The following ZBTB46 variants were observed in gnomAD, a reference collection of about 807,000 sequenced individuals.
ZBTB46 encodes zinc finger and BTB domain containing 46.
Under a neutral mutation model 44.1 loss-of-function variants are expected in ZBTB46, and 8 were observed. That is an observed-to-expected ratio of 0.18 (90% CI 0.11 to 0.33). The LOEUF (loss-of-function observed/expected upper bound fraction) is 0.33. Ranked by LOEUF, ZBTB46 falls within the 10% of genes least tolerant of loss-of-function variation. The pLI is 1.00. For missense variants in ZBTB46, 651 were observed against 847.7 expected (o/e 0.77, Z 2.88); for synonymous variants, 409 against 382.3 (o/e 1.07, Z -0.81).
At chr20:63,770,683 A>T (rs2092361539) in intron 3 of ZBTB46, among the ~76,000 whole-genome samples, 1 of 149,586 alleles carries the variant, frequency 6.7e-6, no homozygotes. Flanking sequence ...TTTGTGCAGA[A>T]TTGCCACGGC....
intron 3 of ZBTB46, among the ~76,000 whole-genome samples, chr20:63,760,290 C>A (rs1328257435): frequency 3.3e-5 from 5 of 152,312 alleles, no homozygotes; most frequent in Non-Finnish European, 5.9e-5. Context: ...ATTCAATTTT[C>A]TCAGCAGATC....
At chr20:63,761,124 G>C (rs924239319) in intron 3 of ZBTB46, among the ~76,000 whole-genome samples, 7 of 148,164 alleles carry the variant, frequency 4.7e-5, no homozygotes, top group African/African-American at 7.4e-5. Context: ...TCAGCCTCCC[G>C]AGTAGCTGGG....
intron 1 of ZBTB46, among the ~76,000 whole-genome samples, chr20:63,816,755 G>A (rs1054669435): frequency 2.0e-5 from 3 of 152,256 alleles, no homozygotes; most frequent in Admixed American, 2.0e-4. Context: ...TTAAGATGAG[G>A]TCATAGTGGA....
intron 1 of ZBTB46, among the ~76,000 whole-genome samples, chr20:63,823,282 C>A (rs2092802534): frequency 6.6e-6 from 1 of 152,036 alleles, no homozygotes; most frequent in Non-Finnish European, 1.5e-5. Context: ...TGCACTCGCG[C>A]TCAGGAGTTC....
chr20:63,748,521 G>T (rs1434867653), intron 4 of ZBTB46, among the ~76,000 whole-genome samples: 4 of 152,232 alleles, frequency 2.6e-5, no homozygotes, highest in Non-Finnish European at 5.9e-5. Flanking sequence ...GGAGGCCTTG[G>T]GGGGCTGGCC....
At chr20:63,815,331 G>A in intron 1 of ZBTB46, among the ~76,000 whole-genome samples, 1 of 150,580 alleles carries the variant, frequency 6.6e-6, no homozygotes, top group East Asian at 2.0e-4. Context: ...CACAGGTGCA[G>A]GTGGGCATAG....
At chr20:63,809,434 G>T (rs1218231564) in intron 1 of ZBTB46, among the ~76,000 whole-genome samples, 1 of 152,206 alleles carries the variant, frequency 6.6e-6, no homozygotes. Flanking sequence ...GGAGCTCACA[G>T]GAGCCCTGAG....
At chr20:63,807,351 TTTC>T (rs1335256998) in intron 1 of ZBTB46, among the ~76,000 whole-genome samples, 4 of 152,122 alleles carry the variant, frequency 2.6e-5, no homozygotes, top group Non-Finnish European at 5.9e-5. Flanking sequence ...AGATTTTCTG[TTTC>T]TTCTTGAGTC....
chr20:63,796,185 C>T (rs1036602769), intron 1 of ZBTB46, among the ~76,000 whole-genome samples: 10 of 152,354 alleles, frequency 6.6e-5, no homozygotes, highest in Admixed American at 3.9e-4. Flanking sequence ...AGGAGCTCTG[C>T]CCGGAAGGCT....
chr20:63,818,858 C>A (rs1368404390), intron 1 of ZBTB46, among the ~76,000 whole-genome samples: 5 of 109,752 alleles, frequency 4.6e-5, no homozygotes, highest in African/African-American at 1.2e-4. Context: ...GGTGAAAGAA[C>A]GAAACTCCAG....
chr20:63,813,633 A>C (rs2092730562), intron 1 of ZBTB46, among the ~76,000 whole-genome samples: 1 of 152,174 alleles, frequency 6.6e-6, no homozygotes, highest in African/African-American at 2.4e-5. Context: ...GGATGCACCC[A>C]GCCAGACCTT....
At chr20:63,821,449 T>C (rs1600724699) in intron 1 of ZBTB46, among the ~76,000 whole-genome samples, 1 of 148,122 alleles carries the variant, frequency 6.8e-6, no homozygotes, top group Admixed American at 6.7e-5. Flanking sequence ...GCTTTTTTTT[T>C]TTTTTCTGAG....
intron 1 of ZBTB46, among the ~76,000 whole-genome samples, chr20:63,820,968 C>G (rs1470734584): frequency 6.6e-6 from 1 of 151,760 alleles, no homozygotes; most frequent in Non-Finnish European, 1.5e-5. Context: ...TCTCAGCTCA[C>G]TGCAACCTCC....
At chr20:63,798,455 A>G (rs2092619604) in intron 1 of ZBTB46, among the ~76,000 whole-genome samples, 1 of 151,932 alleles carries the variant, frequency 6.6e-6, no homozygotes, top group Non-Finnish European at 1.5e-5. Flanking sequence ...TGGGCGGATT[A>G]CCTGAGGTCA....
intron 4 of ZBTB46, among the ~76,000 whole-genome samples, chr20:63,751,029 C>T (rs1601388730): frequency 6.6e-6 from 1 of 152,324 alleles, no homozygotes; most frequent in South Asian, 2.1e-4. Context: ...AAAGACGTTG[C>T]AATCCATGTT....
chr20:63,758,948 G>T (rs1182646376), intron 3 of ZBTB46, among the ~76,000 whole-genome samples: 1 of 152,158 alleles, frequency 6.6e-6, no homozygotes, highest in African/African-American at 2.4e-5. Flanking sequence ...AGCCAGGATG[G>T]TCTCAAATCT....
At chr20:63,795,343 C>T (rs1364087592) in intron 1 of ZBTB46, among the ~76,000 whole-genome samples, 1 of 152,224 alleles carries the variant, frequency 6.6e-6, no homozygotes, top group Admixed American at 6.5e-5. Context: ...TCTGCCTCAA[C>T]CGCCGACAAC....
intron 1 of ZBTB46, among the ~76,000 whole-genome samples, chr20:63,794,168 T>G (rs1181904149): frequency 6.8e-6 from 1 of 148,114 alleles, no homozygotes; most frequent in Non-Finnish European, 1.5e-5. Context: ...CCAGCCTGGG[T>G]GACAGAGCAA....
At chr20:63,826,559 T>G (rs1253500340) in intron 1 of ZBTB46, among the ~76,000 whole-genome samples, 1 of 139,406 alleles carries the variant, frequency 7.2e-6, no homozygotes, top group East Asian at 2.1e-4. Flanking sequence ...CATCTCTACT[T>G]AAAAAAAAAA....
Sources: gnomAD v4.1 joint callset for allele counts (sites outside exome capture counted in the v4.1 genomes callset) on GRCh38, gnomAD v4.1.1 for gene constraint, MANE v1.5 for transcripts, NCBI Gene and HGNC (gene_info 2026-07-23, HGNC 2026-07-21) for gene names.